CCNH: variants seen among roughly 807,000 people sequenced by gnomAD.
CCNH encodes the protein cyclin H.
CCNH carries 31 observed loss-of-function variants against 41.9 expected under a neutral mutation model. The observed-to-expected ratio is 0.74, with a 90% confidence interval of 0.56 to 1.00. The LOEUF (loss-of-function observed/expected upper bound fraction) is 1.00, where lower values mean the gene tolerates loss of function less well. Among genes scored for constraint, CCNH ranks in the 50% least tolerant of loss-of-function variants. The pLI is 0.00. For synonymous variants in CCNH, 138 were observed against 136.1 expected, an observed-to-expected ratio of 1.01 and a Z score of -0.10; for missense variants, 362 against 388.4, an observed-to-expected ratio of 0.93 and a Z score of 0.57.
At chr5:87,332,382 G>T in intron 9 of CCNH, 1 of 971,506 alleles carries the variant, frequency 1.0e-6, no homozygotes, top group Admixed American at 2.5e-5. Flanking sequence ...TGGTATTTTA[G>T]TATAAGGATA....
intron 9 of CCNH, among the ~76,000 whole-genome samples, chr5:87,358,447 C>T (rs1367202883): frequency 6.6e-6 from 1 of 152,134 alleles, no homozygotes; most frequent in Non-Finnish European, 1.5e-5. Flanking sequence ...CTCAATTCTT[C>T]TCTTTTTTTC....
intron 9 of CCNH, among the ~76,000 whole-genome samples, chr5:87,352,938 C>G (rs1049093904): frequency 6.6e-6 from 1 of 151,802 alleles, no homozygotes; most frequent in Non-Finnish European, 1.5e-5. Context: ...AAATCAGAAT[C>G]TGGGCCATGT....
chr5:87,408,922 G>A (rs1219024840), intron 3 of CCNH, among the ~76,000 whole-genome samples: 6 of 152,154 alleles, frequency 3.9e-5, no homozygotes, highest in African/African-American at 1.4e-4. Context: ...AAATGAGTAT[G>A]AAGCTATAGG....
intron 9 of CCNH, among the ~76,000 whole-genome samples, chr5:87,333,098 A>G (rs1163211738): frequency 1.3e-5 from 2 of 152,146 alleles, no homozygotes; most frequent in Non-Finnish European, 2.9e-5. Flanking sequence ...CAGGAACAAC[A>G]AAAAAGCCTT....
upstream of CCNH, chr5:87,379,589 C>A: frequency 8.8e-7 from 1 of 1,130,816 alleles, no homozygotes; most frequent in South Asian, 1.7e-5. Context: ...TACTTAAAAA[C>A]TCCCATTATA....
intron 9 of CCNH, among the ~76,000 whole-genome samples, chr5:87,338,536 A>ATATTTTTTT: frequency 7.0e-5 from 6 of 85,212 alleles, no homozygotes; most frequent in African/African-American, 1.8e-4. Context: ...TATATATAAA[A>ATATTTTTTT]TTTTTTTTTT....
intron 9 of CCNH, among the ~76,000 whole-genome samples, chr5:87,325,397 G>C (rs1757159335): frequency 6.6e-6 from 1 of 152,306 alleles, no homozygotes; most frequent in South Asian, 2.1e-4. Context: ...AATAAATATG[G>C]GAGCTTAAGA....
At chr5:87,333,226 AAG>A in intron 9 of CCNH, 1 of 1,606,034 alleles carries the variant, frequency 6.2e-7, no homozygotes, top group Non-Finnish European at 8.5e-7. Context: ...TTAAGATAAA[AAG>A]ACTATCTTTT....
intron 9 of CCNH, among the ~76,000 whole-genome samples, chr5:87,325,846 C>T (rs1222861437): frequency 6.6e-6 from 1 of 152,186 alleles, no homozygotes; most frequent in Non-Finnish European, 1.5e-5. Context: ...TGTATTCACA[C>T]TAGGATATTT....
rs749848937 is a variant in CCNH, at chr5:87,353,170, A to G, written c.*91-34273T>C. 1.1e-5 allele frequency: 17 copies of G among 1,609,858 alleles called. No individual in the cohort carries two copies. The South Asian group carries it at 1.6e-4, about 16-fold the overall frequency. On this transcript the variant is annotated intron_variant and NMD_transcript_variant, in intron 9 of 9. Coordinates refer to the CCNH transcript ENST00000645953. ...TTATTTTAACAGCATTGGGGACATCATAGATCACTATCGAAAAGAACAGAT... is the reference window on the plus strand; with the variant it reads ...TTATTTTAACAGCATTGGGGACATCGTAGATCACTATCGAAAAGAACAGAT...
chr5:87,337,780 T>G (rs535326044), intron 9 of CCNH, among the ~76,000 whole-genome samples: 1 of 152,126 alleles, frequency 6.6e-6, no homozygotes, highest in African/African-American at 2.4e-5. Context: ...TAATTAAAAT[T>G]CAGATTATTT....
chr5:87,379,354 AC>A (rs1761546161), upstream of CCNH, among the ~76,000 whole-genome samples: 1 of 152,170 alleles, frequency 6.6e-6, no homozygotes, highest in East Asian at 1.9e-4. Flanking sequence ...CTCTGCTGAC[AC>A]TAGATCAGAA....
At chr5:87,325,395 T>G (rs935612685) in intron 9 of CCNH, among the ~76,000 whole-genome samples, 1 of 152,208 alleles carries the variant, frequency 6.6e-6, no homozygotes, top group African/African-American at 2.4e-5. Flanking sequence ...CAAATAAATA[T>G]GGGAGCTTAA....
Position 87,399,256 on chromosome 5 carries a change from G to A in CCNH, c.872+138C>T, listed in dbSNP as rs1356681151. Reference sequence around the variant, plus strand: ...CTATTACCTTAATCTCATTAGAAATGTCCATTCAATAAAGAAAATCTGATT... The same window carrying A: ...CTATTACCTTAATCTCATTAGAAATATCCATTCAATAAAGAAAATCTGATT... On this transcript the variant is annotated intron_variant, in intron 7 of 8. Coordinates refer to ENST00000256897, the MANE Select transcript of CCNH (RefSeq NM_001239.4). The A allele has an allele frequency of 8.9e-6, 6 of 677,554 alleles. No individual in the cohort carries two copies. The African/African-American group carries it at 1.1e-4, about 12-fold the overall frequency. 42.0% of individuals were successfully genotyped at this position (677,554 alleles called of 1,614,324 possible).
intron 9 of CCNH, among the ~76,000 whole-genome samples, chr5:87,385,722 AACTC>A (rs1363708472): frequency 6.6e-6 from 1 of 152,038 alleles, no homozygotes; most frequent in African/African-American, 2.4e-5. Flanking sequence ...TAAATGTTAA[AACTC>A]AAGATTTTAT....
At chr5:87,320,161 C>G (rs1200886197) in intron 9 of CCNH, among the ~76,000 whole-genome samples, 2 of 152,176 alleles carry the variant, frequency 1.3e-5, no homozygotes, top group Non-Finnish European at 2.9e-5. Context: ...CCTGGATTTT[C>G]ACTGTCCATA....
At chr5:87,412,567 CGCA>C (rs1764340978) in intron 1 of CCNH, 108 bp downstream of exon 1, 6 of 1,494,356 alleles carry the variant, frequency 4.0e-6, no homozygotes, top group East Asian at 2.4e-5. Context: ...CACTCCGCGC[CGCA>C]GAGGCAGAGA....
chr5:87,319,546 G>A (rs62368947), intron 9 of CCNH, among the ~76,000 whole-genome samples: 46 of 152,322 alleles, frequency 3.0e-4, no homozygotes, highest in South Asian at 6.2e-4. Flanking sequence ...GCCATGGCCC[G>A]AGTTGTACAT....
intron 9 of CCNH, among the ~76,000 whole-genome samples, chr5:87,319,992 A>G (rs1384939102): frequency 6.6e-6 from 1 of 152,192 alleles, no homozygotes; most frequent in Non-Finnish European, 1.5e-5. Context: ...CTGCTTAGAA[A>G]TTTCTTCTGC....
Sources: allele counts gnomAD v4.1 joint callset (sites outside exome capture counted in the v4.1 genomes callset), GRCh38; gene constraint gnomAD v4.1.1; transcripts MANE v1.5; gene names NCBI Gene and HGNC (gene_info 2026-07-23, HGNC 2026-07-21).